EFHD2: variants seen among roughly 807,000 people sequenced by gnomAD.
EFHD2 encodes the protein EF-hand domain-containing protein D2.
EFHD2 carries 12 observed loss-of-function variants against 20.3 expected under a neutral mutation model. That is an observed-to-expected ratio of 0.59 (90% confidence interval 0.38 to 0.96). The LOEUF (loss-of-function observed/expected upper bound fraction) is 0.96. EFHD2 is among the 40% of genes least tolerant of loss of function. The probability of loss-of-function intolerance (pLI) is 0.00; values close to 1 mark genes in which losing one functional copy is unlikely to be tolerated. For synonymous variants in EFHD2, 131 were observed against 143.9 expected, an observed-to-expected ratio of 0.91 and a Z score of 0.64; for missense variants, 250 against 334.3, an observed-to-expected ratio of 0.75 and a Z score of 1.97.
chr1:15,424,382 AG>A (rs1003764474), intron 1 of EFHD2, among the ~76,000 whole-genome samples: 20 of 152,116 alleles, frequency 1.3e-4, no homozygotes, highest in African/African-American at 4.6e-4. Context: ...CTTCCCAGCC[AG>A]GCAACAGGCA....
Position 15,430,167 on chromosome 1 carries a change from A to T in EFHD2, c.*1443A>T, listed in dbSNP as rs942193697. On this transcript the variant is annotated 3_prime_UTR_variant, in exon 4 of 4. Transcript: ENST00000375980. ...ACCCGGATTGCGTTTGCCTTAGCGG[A>T]TATGTTTATACAGATGAATATAAAA... The T allele has an allele frequency of 6.6e-6, 1 of 152,420 alleles. No homozygotes were observed. The highest frequency in any genetic ancestry group is 1.5e-5 in the Non-Finnish European group (1 of 68,056). 9.4% of individuals were successfully genotyped at this position (152,420 alleles called of 1,614,324 possible). A position where few individuals can be genotyped will look rare whatever the true frequency, so the allele number is the denominator to read the frequency against.
At chr1:15,417,187 C>CGAGA (rs1290935191) in intron 1 of EFHD2, among the ~76,000 whole-genome samples, 1 of 152,194 alleles carries the variant, frequency 6.6e-6, no homozygotes, top group African/African-American at 2.4e-5. Flanking sequence ...GCTCAGGCCC[C>CGAGA]CGCACAGCCG....
At chr1:15,411,869 A>C (rs148298575) in intron 1 of EFHD2, among the ~76,000 whole-genome samples, 2,563 of 152,166 alleles carry the variant, frequency 0.017, 35 homozygotes, top group Non-Finnish European at 0.024. Flanking sequence ...GGCGTTTTGC[A>C]ACTGCACTGT....
At chr1:15,418,854 A>T (rs1163884990) in intron 1 of EFHD2, among the ~76,000 whole-genome samples, 2 of 77,480 alleles carry the variant, frequency 2.6e-5, no homozygotes, top group African/African-American at 1.2e-4. Flanking sequence ...TTCAGAGCCC[A>T]GCGACACCCT....
In EFHD2 at chr1:15,428,925, C is replaced by T. The variant is rs1235098443; in HGVS notation, c.*201C>T. On this transcript the variant is annotated 3_prime_UTR_variant, in exon 4 of 4. Coordinates refer to ENST00000375980, the MANE Select transcript of EFHD2 (RefSeq NM_024329.6). Reference sequence around the variant, plus strand: ...CTCCCTTCCACTCTGCACGAGGCCGCCACACCGGCGCTGGCTCCCTGCCCG... The same window carrying T: ...CTCCCTTCCACTCTGCACGAGGCCGTCACACCGGCGCTGGCTCCCTGCCCG... 2.7e-6 allele frequency: 2 copies of T among 753,878 alleles called. No individual in the cohort carries two copies. Among genetic ancestry groups the T allele is most frequent in the Non-Finnish European group, 4.1e-6 (2 of 487,708 alleles). 46.7% of individuals were successfully genotyped at this position (753,878 alleles called of 1,614,324 possible).
rs1707885950 is a variant in EFHD2, at chr1:15,427,186, C to T, written c.493C>T (p.Leu165Phe). ...CTTCCGCAAGGCGGCGGCCGGGGAGCTTCAGGAGGACAGCGGGCTGTGCGT... is the reference window on the plus strand; with the variant it reads ...CTTCCGCAAGGCGGCGGCCGGGGAGTTTCAGGAGGACAGCGGGCTGTGCGT... ...LIFRKAAAGE[L>F]QEDSGLCVLA... Residue 165 changes from leucine to phenylalanine, a missense_variant, in exon 3 of 4, where the codon CTT becomes TTT. By Grantham distance (22) the Leu-to-Phe change is conservative. This residue lies in a region of EFHD2 where 100 missense variants were observed against 116.2 expected (regional missense o/e 0.86). Transcript: ENST00000375980. The T allele has an allele frequency of 6.2e-7, 1 of 1,609,384 alleles. No homozygotes were observed. Among genetic ancestry groups the T allele is most frequent in the African/African-American group, 1.3e-5 (1 of 74,890 alleles).
At position 15,428,947 on chromosome 1, in the gene EFHD2, C is replaced by T. The variant is rs1041406929; in HGVS notation, c.*223C>T. 3.4e-6 allele frequency: 2 copies of T among 589,766 alleles called. No individual in the cohort carries two copies. The highest frequency in any genetic ancestry group is 1.9e-5 in the African/African-American group (1 of 52,910). 36.5% of individuals were successfully genotyped at this position (589,766 alleles called of 1,614,324 possible). ...CCGCCACACCGGCGCTGGCTCCCTG[C>T]CCGGCCCGGCCCTCCCTGGCAATCC... On this transcript the variant is annotated 3_prime_UTR_variant, in exon 4 of 4. Coordinates refer to ENST00000375980, the MANE Select transcript of EFHD2 (RefSeq NM_024329.6).
At position 15,428,678 on chromosome 1, in the gene EFHD2, A is replaced by T. The variant is rs1357931007; in HGVS notation, c.677A>T (p.Lys226Met). The T allele has an allele frequency of 1.2e-6, 2 of 1,604,670 alleles. No homozygotes were observed. Among genetic ancestry groups the T allele is most frequent in the African/African-American group, 2.7e-5 (2 of 74,816 alleles). Residue 226 changes from lysine to methionine, a missense_variant, in exon 4 of 4, where the codon AAG becomes ATG. This residue lies in a region of EFHD2 where 100 missense variants were observed against 116.2 expected (regional missense o/e 0.86). Coordinates refer to ENST00000375980, the MANE Select transcript of EFHD2 (RefSeq NM_024329.6). ...EERKKQAEEM[K>M]QRKAAFKELQ... is the part of the protein sequence containing the mutation. Reference sequence around the variant, plus strand: ...AGGAAGAAGCAGGCGGAGGAGATGAAGCAGCGGAAAGCGGCCTTCAAGGAG... The same window carrying T: ...AGGAAGAAGCAGGCGGAGGAGATGATGCAGCGGAAAGCGGCCTTCAAGGAG...
Position 15,425,892 on chromosome 1 carries a change from C to T in EFHD2, c.330C>T (p.Gly110=). ...GCAGGTATGATGCCGGGCGGGACGG[C>T]TTCATCGACCTGATGGAGCTAAAAC... ...MFKQYDAGRD[G]FIDLMELKLM... Residue 110 remains glycine (G), a synonymous_variant, in exon 2 of 4, where the codon GGC becomes GGT. Transcript: ENST00000375980. 1 of 1,606,850 alleles carries T rather than the reference C, an allele frequency of 6.2e-7. No homozygotes were observed. The highest frequency in any genetic ancestry group is 8.5e-7 in the Non-Finnish European group (1 of 1,177,032).
chr1:15,410,316 G>A (rs775520487), intron 1 of EFHD2, 37 bp downstream of exon 1: 11 of 1,387,422 alleles, frequency 7.9e-6, no homozygotes, highest in South Asian at 7.5e-5. Context: ...CGCCCGCCCC[G>A]CGACCCGGTC....
intron 1 of EFHD2, 110 bp from the exon 2 acceptor site, chr1:15,425,761 T>G: frequency 2.8e-6 from 4 of 1,449,056 alleles, no homozygotes; most frequent in African/African-American, 1.5e-5. Context: ...AGTGACGGGA[T>G]TTTATGGTTG....
In EFHD2 at chr1:15,416,077, T is replaced by A. The variant is rs543453460; in HGVS notation, c.308+5798T>A. On this transcript the variant is annotated intron_variant, in intron 1 of 3. Coordinates refer to ENST00000375980, the MANE Select transcript of EFHD2 (RefSeq NM_024329.6). ...GGAAGGATTTCCTGGCCTCGGTCCTTACTCCGTTCCTCCCACTTCCACTAT... is the reference window on the plus strand; with the variant it reads ...GGAAGGATTTCCTGGCCTCGGTCCTAACTCCGTTCCTCCCACTTCCACTAT... Among the ~76,000 whole-genome samples, 21 of 152,240 alleles carry A rather than the reference T, an allele frequency of 1.4e-4. No individual in the cohort carries two copies. In the East Asian group the frequency reaches 4.1e-3, roughly 29 times the overall value.
At chr1:15,418,628 C>T (rs1423472812) in intron 1 of EFHD2, among the ~76,000 whole-genome samples, 1 of 122,236 alleles carries the variant, frequency 8.2e-6, no homozygotes, top group Non-Finnish European at 1.8e-5. Flanking sequence ...AGTTCCAAAG[C>T]CAAGATAGGC....
At position 15,428,917 on chromosome 1, in the gene EFHD2, C is replaced by T. The variant is rs897688860; in HGVS notation, c.*193C>T. 75 of 807,918 alleles carry T rather than the reference C, an allele frequency of 9.3e-5. No homozygotes were observed. Among genetic ancestry groups the T allele is most frequent in the Non-Finnish European group, 3.4e-5 (18 of 533,264 alleles). The allele number at this position is 807,918 out of a possible 1,614,324, so 50.0% of individuals were successfully genotyped here. A position where few individuals can be genotyped will look rare whatever the true frequency, so the allele number is the denominator to read the frequency against. Reference sequence around the variant, plus strand: ...CCTCCCCGCTCCCTTCCACTCTGCACGAGGCCGCCACACCGGCGCTGGCTC... The same window carrying T: ...CCTCCCCGCTCCCTTCCACTCTGCATGAGGCCGCCACACCGGCGCTGGCTC... On this transcript the variant is annotated 3_prime_UTR_variant, in exon 4 of 4. Transcript: ENST00000375980.
At position 15,428,610 on chromosome 1, in the gene EFHD2, G is replaced by C. The variant is rs1237582808; in HGVS notation, c.609G>C (p.Val203=). The change falls in exon 4 of 4, where the codon GTG becomes GTC. Residue 203 remains valine (V), a synonymous_variant. Transcript: ENST00000375980. ...CCCCGCAGGTCCAGGCCATCAACGT[G>C]TCCAGCCGCTTCGAGGAGGAGATCA... ...FFEAKVQAIN[V]SSRFEEEIKA... The C allele has an allele frequency of 3.1e-6, 5 of 1,611,196 alleles. No individual in the cohort carries two copies. In the East Asian group the frequency reaches 1.1e-4, roughly 36 times the overall value.
At chr1:15,415,563 A>ACTG (rs1465413226) in intron 1 of EFHD2, among the ~76,000 whole-genome samples, 2 of 148,618 alleles carry the variant, frequency 1.3e-5, no homozygotes, top group Non-Finnish European at 3.0e-5. Context: ...ATCTTGGCTC[A>ACTG]CTGCAGCCTT....
chr1:15,425,840 GC>G (rs1447878850), intron 1 of EFHD2, 30 bp from the exon 2 acceptor site: 9 of 1,600,430 alleles, frequency 5.6e-6, no homozygotes, highest in Non-Finnish European at 7.7e-6. Context: ...CTGAGCCAGT[GC>G]CAAGATGTCC....
rs753327565 is a variant in EFHD2, at chr1:15,410,291, C to T, written c.308+12C>T. Reference sequence around the variant, plus strand: ...AAGATGTTCAAGCAGTAAGTGCCCGCGCGACCCGGCCCCCCGCCCGCCCCG... The same window carrying T: ...AAGATGTTCAAGCAGTAAGTGCCCGTGCGACCCGGCCCCCCGCCCGCCCCG... On this transcript the variant is annotated intron_variant, in intron 1 of 3. Coordinates refer to ENST00000375980, the MANE Select transcript of EFHD2 (RefSeq NM_024329.6). 5 of 1,580,332 alleles carry T rather than the reference C, an allele frequency of 3.2e-6. No individual in the cohort carries two copies. In the South Asian group the frequency reaches 5.7e-5, roughly 18 times the overall value.
In EFHD2 at chr1:15,428,949, C is replaced by G; in HGVS notation, c.*225C>G. On this transcript the variant is annotated 3_prime_UTR_variant, in exon 4 of 4. Transcript: ENST00000375980. ...GCCACACCGGCGCTGGCTCCCTGCC[C>G]GGCCCGGCCCTCCCTGGCAATCCCT... The G allele has an allele frequency of 1.7e-6, 1 of 589,300 alleles. No individual in the cohort carries two copies. Among genetic ancestry groups the G allele is most frequent in the Non-Finnish European group, 2.9e-6 (1 of 349,364 alleles). The allele number at this position is 589,300 out of a possible 1,614,324, so 36.5% of individuals were successfully genotyped here. A position where few individuals can be genotyped will look rare whatever the true frequency, so the allele number is the denominator to read the frequency against.
Sources: allele counts gnomAD v4.1 joint callset (sites outside exome capture counted in the v4.1 genomes callset), GRCh38; gene constraint gnomAD v4.1.1; regional missense constraint gnomAD v4.1.1; transcripts MANE v1.5; gene names NCBI Gene and HGNC (gene_info 2026-07-23, HGNC 2026-07-21).